TTLL5: variants seen among roughly 807,000 people sequenced by gnomAD.
TTLL5 encodes the protein tubulin polyglutamylase TTLL5.
TTLL5 carries 132 observed loss-of-function variants against 168.4 expected under a neutral mutation model. The observed-to-expected ratio is 0.78, with a 90% CI of 0.68 to 0.91. The LOEUF is 0.91. Among genes scored for constraint, TTLL5 ranks in the 40% least tolerant of loss-of-function variants. The pLI is 0.00. For missense variants in TTLL5, 1,545 were observed against 1,581.5 expected (o/e 0.98, Z 0.39); for synonymous variants, 546 against 558.6 (o/e 0.98, Z 0.32).
rs1888811263 is a variant in TTLL5 at position 75,735,305 on chromosome 14, A to C, written c.1281+16A>C. 6.2e-7 allele frequency: 1 copy of C among 1,613,232 alleles called. No individual in the cohort carries two copies. Among genetic ancestry groups the C allele is most frequent in the African/African-American group, 1.3e-5 (1 of 74,922 alleles). On this transcript the variant is annotated intron_variant, in intron 15 of 31. Transcript: ENST00000298832. ...GAAACCTCAGGTAAGCCAATTCCAC[A>C]GCAGGGAGCCTGAAGGAGGCTTACT...
At chr14:75,849,423 G>A (rs1240656989) in intron 28 of TTLL5, among the ~76,000 whole-genome samples, 1 of 152,224 alleles carries the variant, frequency 6.6e-6, no homozygotes, top group African/African-American at 2.4e-5. Context: ...TCTGGTGCTT[G>A]TGATAGTGAT....
At chr14:75,906,943 T>C (rs2033171401) in intron 31 of TTLL5, among the ~76,000 whole-genome samples, 2 of 152,184 alleles carry the variant, frequency 1.3e-5, no homozygotes, top group African/African-American at 2.4e-5. Context: ...TGTTTAAAAA[T>C]ACGAGGATTT....
At chr14:75,885,759 T>G (rs1281284236) in intron 30 of TTLL5, among the ~76,000 whole-genome samples, 1 of 152,186 alleles carries the variant, frequency 6.6e-6, no homozygotes, top group Non-Finnish European at 1.5e-5. Context: ...TTACTCAACA[T>G]CTCTGTGACT....
At chr14:75,866,119 T>G (rs73317407) in intron 29 of TTLL5, among the ~76,000 whole-genome samples, 2,288 of 152,300 alleles carry the variant, frequency 0.015, 54 homozygotes, top group African/African-American at 0.052. Context: ...TTAAATATTC[T>G]AACAGGAAGA....
intron 31 of TTLL5, among the ~76,000 whole-genome samples, chr14:75,948,283 G>T (rs1032590029): frequency 6.6e-6 from 1 of 151,978 alleles, no homozygotes. Flanking sequence ...TCAGGAGTTC[G>T]AGACCAGCCT....
intron 18 of TTLL5, among the ~76,000 whole-genome samples, chr14:75,764,332 T>C (rs988326193): frequency 6.6e-6 from 1 of 152,232 alleles, no homozygotes; most frequent in South Asian, 2.1e-4. Context: ...GGTGGCACTT[T>C]ATAATCCCTG....
intron 28 of TTLL5, 25 bp from the exon 29 acceptor site, chr14:75,863,642 G>A (rs766772624): frequency 6.3e-7 from 1 of 1,577,812 alleles, no homozygotes; most frequent in South Asian, 1.2e-5. Context: ...CTCACTCTAA[G>A]AAACCTGCTT....
intron 28 of TTLL5, among the ~76,000 whole-genome samples, chr14:75,825,801 C>G (rs1895091166): frequency 6.6e-6 from 1 of 151,962 alleles, no homozygotes; most frequent in South Asian, 2.1e-4. Context: ...TATTCCTTCC[C>G]CTGAGGAAAA....
At chr14:75,803,769 C>T (rs1394871366) in intron 27 of TTLL5, among the ~76,000 whole-genome samples, 3 of 152,178 alleles carry the variant, frequency 2.0e-5, no homozygotes, top group African/African-American at 4.8e-5. Flanking sequence ...ACTATCTCTG[C>T]CTGACTCCAT....
chr14:75,707,812 TACTTGTCATTACTG>T lies in TTLL5; in HGVS notation c.740+106_740+119del. 5.3e-6 allele frequency: 5 copies of T among 937,402 alleles called. No individual in the cohort carries two copies. The Middle Eastern group carries it at 6.6e-4, about 123-fold the overall frequency. The allele number at this position is 937,402 out of a possible 1,614,324, so 58.1% of individuals were successfully genotyped here. A position where few individuals can be genotyped will look rare whatever the true frequency, so the allele number is the denominator to read the frequency against. On this transcript the variant is annotated intron_variant, in intron 9 of 31. Coordinates refer to ENST00000298832, the MANE Select transcript of TTLL5 (RefSeq NM_015072.5). ...TTATTAAATCAGATCATGCTATTTT[TACTTGTCATTACTG>T]CTTACAGATGCAATCCACCTCCTCA...
At chr14:75,867,161 A>G (rs1227433746) in intron 29 of TTLL5, among the ~76,000 whole-genome samples, 1 of 152,222 alleles carries the variant, frequency 6.6e-6, no homozygotes, top group Non-Finnish European at 1.5e-5. Flanking sequence ...GAAAACAGCC[A>G]TAAACAATAT....
At chr14:75,768,640 T>A (rs1595002547) in intron 20 of TTLL5, among the ~76,000 whole-genome samples, 1 of 150,890 alleles carries the variant, frequency 6.6e-6, no homozygotes, top group African/African-American at 2.4e-5. Flanking sequence ...GAGGAGGGAG[T>A]ATCTCTTCCT....
intron 12 of TTLL5, among the ~76,000 whole-genome samples, chr14:75,727,111 G>C (rs1328598970): frequency 2.6e-5 from 4 of 152,126 alleles, no homozygotes; most frequent in African/African-American, 9.7e-5. Flanking sequence ...GCAAGTGCTA[G>C]GGAAATGACT....
intron 10 of TTLL5, 88 bp downstream of exon 10, chr14:75,718,050 G>A (rs1298725367): frequency 2.6e-6 from 3 of 1,145,360 alleles, no homozygotes; most frequent in African/African-American, 3.1e-5. Context: ...TGGCACTGGA[G>A]GACAACTTTA....
At chr14:75,757,846 A>C (rs776026435) in intron 18 of TTLL5, 1 of 1,593,016 alleles carries the variant, frequency 6.3e-7, no homozygotes. Context: ...ACCCAAGAAG[A>C]AGCTTATTGA....
At chr14:75,694,558 T>C (rs1885695672) in intron 6 of TTLL5, among the ~76,000 whole-genome samples, 1 of 152,144 alleles carries the variant, frequency 6.6e-6, no homozygotes, top group South Asian at 2.1e-4. Context: ...AGTCTCGAAC[T>C]CCTGACCTCA....
At chr14:75,682,205 AAC>A (rs1489703525) in intron 4 of TTLL5, among the ~76,000 whole-genome samples, 1 of 151,842 alleles carries the variant, frequency 6.6e-6, no homozygotes, top group Non-Finnish European at 1.5e-5. Context: ...AAAAAAAAAA[AAC>A]AAACCCAAAA....
chr14:75,950,621 A>G (rs2034932178), intron 31 of TTLL5, among the ~76,000 whole-genome samples: 1 of 152,162 alleles, frequency 6.6e-6, no homozygotes. Flanking sequence ...AGAACATGGA[A>G]GTGTATTATA....
At chr14:75,749,562 TAG>T (rs201775136) in intron 17 of TTLL5, among the ~76,000 whole-genome samples, 109,105 of 151,688 alleles carry the variant, frequency 0.72, 39,609 homozygotes, top group Admixed American at 0.79. Context: ...GCTGACCCTA[TAG>T]GAGCAGTAGA....
Sources: allele counts gnomAD v4.1 joint callset (sites outside exome capture counted in the v4.1 genomes callset), GRCh38; gene constraint gnomAD v4.1.1; transcripts MANE v1.5; gene names NCBI Gene and HGNC (gene_info 2026-07-23, HGNC 2026-07-21).